EVC: variants seen among roughly 807,000 people sequenced by gnomAD.
EVC encodes the protein evC complex member EVC.
EVC carries 116 observed loss-of-function variants against 118.9 expected under a neutral mutation model. The ratio of observed to expected loss-of-function variants is 0.98; its 90% CI spans 0.84 to 1.14. The LOEUF (loss-of-function observed/expected upper bound fraction) is 1.14, where lower values mean the gene tolerates loss of function less well. Among genes scored for constraint, EVC ranks in the 50% most tolerant of loss-of-function variants. The pLI is 0.00. For synonymous variants in EVC, 619 were observed against 534.7 expected (o/e 1.16, Z -2.18); for missense variants, 1,401 against 1,246.4 (o/e 1.12, Z -1.87).
intron 11 of EVC, among the ~76,000 whole-genome samples, chr4:5,770,291 T>C (rs1343925832): frequency 2.0e-5 from 3 of 152,110 alleles, no homozygotes; most frequent in African/African-American, 7.2e-5. Flanking sequence ...GAGGTCAAGC[T>C]GAGACCACAT....
intron 11 of EVC, among the ~76,000 whole-genome samples, chr4:5,768,222 C>G (rs1733285627): frequency 6.6e-6 from 1 of 152,094 alleles, no homozygotes; most frequent in Admixed American, 6.6e-5. Context: ...GTTGCATTTA[C>G]TTCTGAGTGA....
At chr4:5,790,881 G>A (rs1249741106) in intron 12 of EVC, among the ~76,000 whole-genome samples, 1 of 152,148 alleles carries the variant, frequency 6.6e-6, no homozygotes, top group Non-Finnish European at 1.5e-5. Context: ...ATCACTTGAG[G>A]TCAGGAGTTC....
Position 5,714,752 on chromosome 4 carries a change from C to T in EVC, c.174+3198C>T, listed in dbSNP as rs529939043. 1.1e-4 allele frequency among the ~76,000 whole-genome samples: 17 copies of T among 152,264 alleles called. 1 individual carries two copies. Among genetic ancestry groups the T allele is most frequent in the Admixed American group, 7.9e-4 (12 of 15,280 alleles). ...GTCATGAATACCTTCTTTTCTTGCA[C>T]AACATTTTGTTTTTCCTGAAATTAA... On this transcript the variant is annotated intron_variant, in intron 1 of 20. Transcript: ENST00000264956.
At chr4:5,748,094 CTTTCT>C in intron 7 of EVC, 49 bp from the exon 8 acceptor site, 3 of 1,582,696 alleles carry the variant, frequency 1.9e-6, no homozygotes, top group Non-Finnish European at 2.6e-6. Flanking sequence ...CACCGTTTGG[CTTTCT>C]TAAGTAAGTT....
rs543859776 is a variant in EVC at position 5,797,753 on chromosome 4, G to A, written c.2097+521G>A. Among the ~76,000 whole-genome samples the A allele has an allele frequency of 6.6e-5, 10 of 152,302 alleles. No individual in the cohort carries two copies. The South Asian group carries it at 1.9e-3, about 28-fold the overall frequency. On this transcript the variant is annotated intron_variant, in intron 14 of 20. Transcript: ENST00000264956. ...TGGAGACAGTGGAGCCCCCGTAGGG[G>A]CCACCCATGTACCAAAAGTTTTTAG...
chr4:5,724,254 G>A (rs992032628), intron 2 of EVC, among the ~76,000 whole-genome samples: 16 of 152,236 alleles, frequency 1.1e-4, no homozygotes, highest in Non-Finnish European at 1.8e-4. Flanking sequence ...GGGTAAATAC[G>A]CTGGAGGCAT....
the EVC span, among the ~76,000 whole-genome samples, chr4:5,822,406 T>C: frequency 0.014 from 2,099 of 152,078 alleles, 26 homozygotes; most frequent in South Asian, 0.04. Context: ...TGTACACATT[T>C]GTATATGCAT....
chr4:5,736,049 C>T (rs1379236259), intron 5 of EVC, among the ~76,000 whole-genome samples: 1 of 152,126 alleles, frequency 6.6e-6, no homozygotes, highest in Admixed American at 6.5e-5. Flanking sequence ...TTAGAACTCC[C>T]TGGCTGGCCC....
At chr4:5,750,703 G>A (rs1243471397) in intron 8 of EVC, among the ~76,000 whole-genome samples, 3 of 152,164 alleles carry the variant, frequency 2.0e-5, no homozygotes, top group Admixed American at 6.5e-5. Flanking sequence ...AGCAGAGCCC[G>A]GCACGTAGGA....
intron 12 of EVC, among the ~76,000 whole-genome samples, chr4:5,790,569 G>A (rs994980097): frequency 1.3e-5 from 2 of 152,202 alleles, no homozygotes; most frequent in African/African-American, 4.8e-5. Context: ...CTGGTGATGT[G>A]AGATCGTCAG....
chr4:5,793,619 G>A lies in EVC; in HGVS notation c.1788G>A (p.Glu596=), dbSNP rs2152326451. The A allele has an allele frequency of 1.9e-6, 3 of 1,552,018 alleles. No homozygotes were observed. Among genetic ancestry groups the A allele is most frequent in the Non-Finnish European group, 1.7e-6 (2 of 1,147,264 alleles). Residue 596 remains glutamate, a synonymous_variant, in exon 13 of 21, where the codon GAG becomes GAA. Transcript: ENST00000264956. The part of the protein sequence containing the change: ...LLEQDQQVWM[E]ECALSSVLQT... ...TGTCCCGAGTTCAGGTGTGGATGGA[G>A]GAGTGTGCGCTGTCCAGCGTGCTGC... is the stretch of plus-strand genomic sequence containing the variant.
At chr4:5,815,331 A>G (rs184956352), downstream of EVC, among the ~76,000 whole-genome samples, 94 of 152,266 alleles carry the variant, frequency 6.2e-4, no homozygotes, top group African/African-American at 1.6e-3. Flanking sequence ...TTGAGAAACA[A>G]TTGACCAAAG....
At position 5,812,618 on chromosome 4, in the gene EVC, GC is replaced by G; in HGVS notation, c.*1583del. ...TTCCAGACCAGCCCCTCTCACCACA[GC>G]CAGGAGAGGCCGTTCCCACCTGGAG... On this transcript the variant is annotated 3_prime_UTR_variant, in exon 21 of 21. Transcript: ENST00000264956. 5.7e-6 allele frequency: 1 copy of G among 175,582 alleles called. No homozygotes were observed. The highest frequency in any genetic ancestry group is 1.2e-5 in the Non-Finnish European group (1 of 84,288). The allele number at this position is 175,582 out of a possible 1,614,324, so 10.9% of individuals were successfully genotyped here.
intron 13 of EVC, 127 bp downstream of exon 13, chr4:5,793,844 A>T (rs1402020191): frequency 1.3e-6 from 1 of 746,272 alleles, no homozygotes; most frequent in Non-Finnish European, 2.4e-6. Flanking sequence ...TAAATGACTT[A>T]ACGTTTCTTA....
chr4:5,810,316 C>G, intron 19 of EVC, 23 bp from the exon 20 acceptor site: 1 of 1,583,086 alleles, frequency 6.3e-7, no homozygotes, highest in Non-Finnish European at 8.7e-7. Flanking sequence ...AGAGCCATGC[C>G]TGGGTTCATC....
chr4:5,745,262 G>T lies in EVC; in HGVS notation c.860G>T (p.Gly287Val). 1 of 1,614,020 alleles carries T rather than the reference G, an allele frequency of 6.2e-7. No homozygotes were observed. Among genetic ancestry groups the T allele is most frequent in the Admixed American group, 1.7e-5 (1 of 60,008 alleles). The change falls in exon 7 of 21, where the codon GGG becomes GTG. Residue 287 changes from glycine to valine, a missense_variant. By Grantham distance (109) the Gly-to-Val change is moderately radical. Coordinates refer to ENST00000264956, the MANE Select transcript of EVC (RefSeq NM_153717.3). ...AAACTGTCAAACACAGAAATGTCGG[G>T]GGCTGGTGACTCTGAGTACATCACC... is the stretch of plus-strand genomic sequence containing the variant. ...QVKLSNTEMS[G>V]AGDSEYITLA...
chr4:5,772,912 ACTT>A, intron 11 of EVC, among the ~76,000 whole-genome samples: 1 of 151,968 alleles, frequency 6.6e-6, no homozygotes, highest in East Asian at 1.9e-4. Flanking sequence ...CTGAAATGTC[ACTT>A]CTTTAGGGGA....
intron 8 of EVC, among the ~76,000 whole-genome samples, chr4:5,748,526 A>G (rs571407133): frequency 1.3e-5 from 2 of 150,244 alleles, no homozygotes; most frequent in East Asian, 2.0e-4. Flanking sequence ...CCATCCATCC[A>G]TCCATCTACC....
chr4:5,765,121 T>C (rs1732668563), intron 11 of EVC, among the ~76,000 whole-genome samples: 1 of 117,472 alleles, frequency 8.5e-6, no homozygotes. Context: ...CTCGTTGGTT[T>C]CAAAGAACAT....
Sources: allele counts gnomAD v4.1 joint callset (sites outside exome capture counted in the v4.1 genomes callset), GRCh38; gene constraint gnomAD v4.1.1; transcripts MANE v1.5; gene names NCBI Gene and HGNC (gene_info 2026-07-23, HGNC 2026-07-21).